The following GGCX variants were observed in gnomAD, a reference collection of about 807,000 sequenced individuals.
The protein encoded by GGCX is vitamin K-dependent gamma-carboxylase.
In GGCX, 63 loss-of-function variants were observed where a neutral mutation model predicts 88.5. The ratio of observed to expected loss-of-function variants is 0.71; its 90% CI spans 0.58 to 0.88. The LOEUF is 0.88. Ranked by LOEUF, GGCX falls within the 40% of genes least tolerant of loss-of-function variation. The pLI is 0.00. For missense variants in GGCX, 805 were observed against 932.9 expected (o/e 0.86, Z 1.79); for synonymous variants, 368 against 365.8 (o/e 1.01, Z -0.07).
chr2:85,555,145 A>C, intron 6 of GGCX: 1 of 282,308 alleles, frequency 3.5e-6, no homozygotes, highest in South Asian at 3.9e-5. Flanking sequence ...CAGGGCTCTG[A>C]TGGGAGGCTA....
intron 14 of GGCX, 43 bp from the exon 15 acceptor site, chr2:85,550,169 C>T: frequency 2.7e-6 from 4 of 1,464,234 alleles, no homozygotes; most frequent in Non-Finnish European, 3.8e-6. Flanking sequence ...ACTCCTGTTT[C>T]ACCAGAAGAA....
In GGCX at chr2:85,553,214, T is replaced by A; in HGVS notation, c.1155+18A>T. The A allele has an allele frequency of 6.2e-7, 1 of 1,614,066 alleles. No individual in the cohort carries two copies. The highest frequency in any genetic ancestry group is 8.5e-7 in the Non-Finnish European group (1 of 1,179,898). ...TCTAAGTCCAGCCTTTGCTGTACAC[T>A]CCACAGCCCCTACAAACCTGGGTGA... On this transcript the variant is annotated intron_variant, in intron 8 of 14. Transcript: ENST00000233838.
Position 85,552,418 on chromosome 2 carries a change from C to T in GGCX, c.1437G>A (p.Gln479=), listed in dbSNP as rs1355427583. The change falls in exon 10 of 15, where the codon CAG becomes CAA. Residue 479 remains glutamine, a splice_region_variant and synonymous_variant. Transcript: ENST00000233838. ...CACTCTCTGCTCCCCTTGCCCACCT[C>T]TGCTGGAAGCGGTCATTGATGGAGA... ...IWVSINDRFQ[Q]RIFDPRVDIV... 1 of 1,613,980 alleles carries T rather than the reference C, an allele frequency of 6.2e-7. No individual in the cohort carries two copies.
chr2:85,550,457 C>G, intron 14 of GGCX, 98 bp downstream of exon 14: 1 of 893,360 alleles, frequency 1.1e-6, no homozygotes. Flanking sequence ...CTAAACTGTC[C>G]TTTCCTGTAT....
At chr2:85,550,781 C>T (rs1334635838) in intron 13 of GGCX, 31 bp from the exon 14 acceptor site, 2 of 1,604,308 alleles carry the variant, frequency 1.2e-6, no homozygotes, top group South Asian at 1.1e-5. Flanking sequence ...AGAGGAATCA[C>T]TGAGATGGAT....
Position 85,556,166 on chromosome 2 carries a change from T to C in GGCX, c.618+16A>G. 2 of 1,548,630 alleles carry C rather than the reference T, an allele frequency of 1.3e-6. No homozygotes were observed. Among genetic ancestry groups the C allele is most frequent in the Non-Finnish European group, 1.8e-6 (2 of 1,120,046 alleles). ...GGCTGTCAAGGAGCTCCTCCCTCTG[T>C]CCTAAAATGCTGTACCTGGCCACGG... is the stretch of plus-strand genomic sequence containing the variant. On this transcript the variant is annotated intron_variant, in intron 5 of 14. Transcript: ENST00000233838.
In GGCX at chr2:85,550,727, G is replaced by C; in HGVS notation, c.1912C>G (p.Leu638Val). ...ACTTCCCCTTCCAACAGAGGCTGCA[G>C]CTCTGGGGGTAGAGGCCCTGTTTCT... is the stretch of plus-strand genomic sequence containing the variant. The part of the protein sequence containing the change: ...GSETGPLPPE[L>V]QPLLEGEVKG... The change falls in exon 14 of 15, where the codon CTG becomes GTG. Residue 638 changes from leucine (L) to valine (V), a missense_variant. By Grantham distance (32) the Leu-to-Val change is conservative. Transcript: ENST00000233838. The C allele has an allele frequency of 6.2e-7, 1 of 1,614,076 alleles. No homozygotes were observed. The highest frequency in any genetic ancestry group is 2.2e-5 in the East Asian group (1 of 44,884).
At position 85,561,435 on chromosome 2, in the gene GGCX, G is replaced by A; in HGVS notation, c.-7C>T. ...ACCCGGCAGACACCGCCATTGCTCT[G>A]CGGAGGAGGCAGGTGGGTCACAGCT... On this transcript the variant is annotated 5_prime_UTR_variant, in exon 1 of 15. Transcript: ENST00000233838. 1 of 1,569,580 alleles carries A rather than the reference G, an allele frequency of 6.4e-7. No homozygotes were observed. Among genetic ancestry groups the A allele is most frequent in the Middle Eastern group, 1.7e-4 (1 of 5,750 alleles).
intron 3 of GGCX, 130 bp from the exon 4 acceptor site, chr2:85,558,735 A>G: frequency 1.1e-6 from 1 of 882,552 alleles, no homozygotes; most frequent in Non-Finnish European, 1.9e-6. Flanking sequence ...TGAAAATTAA[A>G]TGTTATTTTA....
chr2:85,553,738 T>C, intron 7 of GGCX: 1 of 529,890 alleles, frequency 1.9e-6, no homozygotes, highest in Non-Finnish European at 3.4e-6. Context: ...TAGCTGGAAT[T>C]ACAGGCATGC....
At position 85,559,209 on chromosome 2, in the gene GGCX, A is replaced by G. The variant is rs1692331969; in HGVS notation, c.215-134T>C. On this transcript the variant is annotated intron_variant, in intron 2 of 14. Transcript: ENST00000233838. ...ATCTTGGCTCTGCCATTTATTCAGTATTAATTATTGAGTGCCTACTCTGCA... is the reference window on the plus strand; with the variant it reads ...ATCTTGGCTCTGCCATTTATTCAGTGTTAATTATTGAGTGCCTACTCTGCA... 4 of 774,688 alleles carry G rather than the reference A, an allele frequency of 5.2e-6. No individual in the cohort carries two copies. In the Admixed American group the frequency reaches 6.0e-5, roughly 12 times the overall value. The allele number at this position is 774,688 out of a possible 1,614,324, so 48.0% of individuals were successfully genotyped here.
At position 85,549,825 on chromosome 2, in the gene GGCX, CCA is replaced by C. The variant is rs1558803965; in HGVS notation, c.*107_*108del. 1.5e-6 allele frequency: 1 copy of C among 666,856 alleles called. No individual in the cohort carries two copies. Among genetic ancestry groups the C allele is most frequent in the Admixed American group, 2.4e-5 (1 of 41,402 alleles). The allele number at this position is 666,856 out of a possible 1,614,324, so 41.3% of individuals were successfully genotyped here. ...AAAACAGCTTTAGAACCCCGCCCCC[CCA>C]AAAAAAAAAAAAAAACTTTTGAGAA... On this transcript the variant is annotated 3_prime_UTR_variant, in exon 15 of 15. Coordinates refer to ENST00000233838, the MANE Select transcript of GGCX (RefSeq NM_000821.7).
Position 85,556,211 on chromosome 2 carries a change from G to C in GGCX, c.589C>G (p.Leu197Val). The C allele has an allele frequency of 2.5e-6, 4 of 1,612,876 alleles. No individual in the cohort carries two copies. The highest frequency in any genetic ancestry group is 3.4e-6 in the Non-Finnish European group (4 of 1,178,832). ...NAHRRNAHVP[L>V]WNYAVLRGQI... is the part of the protein sequence containing the mutation. ...CCACGGAGCACTGCATAGTTCCAAA[G>C]GGGCACGTGGGCATTCCTCCTATGG... Residue 197 changes from leucine (L) to valine (V), a missense_variant, in exon 5 of 15, where the codon CTT becomes GTT. Coordinates refer to ENST00000233838, the MANE Select transcript of GGCX (RefSeq NM_000821.7).
At chr2:85,556,324 C>G (rs1692202941) in intron 4 of GGCX, 64 bp from the exon 5 acceptor site, 1 of 953,608 alleles carries the variant, frequency 1.0e-6, no homozygotes, top group Admixed American at 1.8e-5. Context: ...TCCATCCTTC[C>G]TTTTATACAC....
chr2:85,553,032 GGAA>G lies in GGCX; in HGVS notation c.1191_1193del (p.Ser398del). ...AGCGGGAGTGCACCATCATGTCCCA[GGAA>G]TAGCCATACAGCCCATTTGTCCAGT... On this transcript the variant is annotated inframe_deletion, in exon 9 of 15. Coordinates refer to ENST00000233838, the MANE Select transcript of GGCX (RefSeq NM_000821.7). 6.2e-7 allele frequency: 1 copy of G among 1,614,118 alleles called. No individual in the cohort carries two copies. Among genetic ancestry groups the G allele is most frequent in the Non-Finnish European group, 8.5e-7 (1 of 1,179,948 alleles).
In GGCX at chr2:85,558,534, C is replaced by T; in HGVS notation, c.445G>A (p.Val149Met). ...CATGATGTCTTGTCCAGGAGAAACACATACCAGTATGGCAGCAGGAATAAC... is the reference window on the plus strand; with the variant it reads ...CATGATGTCTTGTCCAGGAGAAACATATACCAGTATGGCAGCAGGAATAAC... ...CVLFLLPYWY[V>M]FLLDKTSWNN... Residue 149 changes from valine (V) to methionine (M), a missense_variant, in exon 4 of 15, where the codon GTG (valine) becomes ATG (methionine). Around this residue, in one of 3 missense-constraint regions of GGCX, gnomAD observed 680 missense variants for 763.7 expected, o/e 0.89. Coordinates refer to ENST00000233838, the MANE Select transcript of GGCX (RefSeq NM_000821.7). 1 of 1,613,090 alleles carries T rather than the reference C, an allele frequency of 6.2e-7. No homozygotes were observed. Among genetic ancestry groups the T allele is most frequent in the Non-Finnish European group, 8.5e-7 (1 of 1,179,094 alleles).
At chr2:85,555,343 T>A (rs550181480) in intron 6 of GGCX, 141 bp downstream of exon 6, 7 of 652,422 alleles carry the variant, frequency 1.1e-5, no homozygotes, top group Non-Finnish European at 2.0e-5. Flanking sequence ...ACTCTGCTTC[T>A]GCTGAATAGG....
Position 85,547,967 on chromosome 2 carries a change from G to A in GGCX, c.*1967C>T, listed in dbSNP as rs541115621. ...TAATCCCAGCCCTTTGGGAGGCCAAGGCAGGTGGATACTTAAGGTCATGAG... is the reference window on the plus strand; with the variant it reads ...TAATCCCAGCCCTTTGGGAGGCCAAAGCAGGTGGATACTTAAGGTCATGAG... On this transcript the variant is annotated 3_prime_UTR_variant, in exon 15 of 15. Transcript: ENST00000233838. 87 of 152,386 alleles carry A rather than the reference G, an allele frequency of 5.7e-4. No homozygotes were observed. Among genetic ancestry groups the A allele is most frequent in the African/African-American group, 1.8e-3 (73 of 41,572 alleles). 9.4% of individuals were successfully genotyped at this position (152,386 alleles called of 1,614,324 possible). A position where few individuals can be genotyped will look rare whatever the true frequency, so the allele number is the denominator to read the frequency against.
In GGCX at chr2:85,545,155, C is replaced by G. The variant is rs1276321340; in HGVS notation, c.*4779G>C. The G allele has an allele frequency of 6.6e-6, 1 of 152,604 alleles. No individual in the cohort carries two copies. Among genetic ancestry groups the G allele is most frequent in the Non-Finnish European group, 1.5e-5 (1 of 68,040 alleles). 9.5% of individuals were successfully genotyped at this position (152,604 alleles called of 1,614,324 possible). On this transcript the variant is annotated 3_prime_UTR_variant, in exon 15 of 15. Coordinates refer to ENST00000233838, the MANE Select transcript of GGCX (RefSeq NM_000821.7). Reference sequence around the variant, plus strand: ...AGCCAGCTTGTTTACATGCTTATTCCATGACTGCTTGCCCTAAGCAGAAAG... The same window carrying G: ...AGCCAGCTTGTTTACATGCTTATTCGATGACTGCTTGCCCTAAGCAGAAAG...
Sources: allele counts gnomAD v4.1 joint callset, GRCh38; gene constraint gnomAD v4.1.1; regional missense constraint gnomAD v4.1.1; transcripts MANE v1.5; gene names NCBI Gene and HGNC (gene_info 2026-07-23, HGNC 2026-07-21).